Variants in IQCJ observed in about 807,000 individuals in gnomAD.
IQCJ encodes the protein IQ motif containing J.
IQCJ carries 9 observed loss-of-function variants against 11.0 expected under a neutral mutation model. The observed-to-expected ratio is 0.82, with a 90% CI of 0.49 to 1.43. The LOEUF is 1.43. Among genes scored for constraint, IQCJ ranks in the 40% most tolerant of loss-of-function variants. The pLI is 0.00. For missense variants in IQCJ, 146 were observed against 133.2 expected (o/e 1.10, Z -0.47); for synonymous variants, 55 against 51.3 (o/e 1.07, Z -0.31).
In IQCJ at chr3:159,104,926, T is replaced by C. The variant is rs539663155; in HGVS notation, c.9+35485T>C. The stretch of plus-strand genomic sequence containing the variant: ...TATAATGCTGTACTAGTCAATAAGC[T>C]CCCAAGTGCCTGGCTCATGTCTGCC... On this transcript the variant is annotated intron_variant, in intron 1 of 3. Transcript: ENST00000397832. 3.9e-5 allele frequency among the ~76,000 whole-genome samples: 6 copies of C among 152,348 alleles called. No homozygotes were observed. The South Asian group carries it at 1.2e-3, about 32-fold the overall frequency.
At chr3:159,241,836 A>G (rs1344952000) in intron 1 of IQCJ, among the ~76,000 whole-genome samples, 1 of 152,236 alleles carries the variant, frequency 6.6e-6, no homozygotes, top group Non-Finnish European at 1.5e-5. Context: ...GTGAGTGGAG[A>G]CAATCAAACA....
At chr3:159,234,424 T>C (rs1056981390) in intron 1 of IQCJ, among the ~76,000 whole-genome samples, 4 of 152,324 alleles carry the variant, frequency 2.6e-5, no homozygotes, top group African/African-American at 7.2e-5. Context: ...GAAGCAATCC[T>C]GTGGCTAGGG....
chr3:159,089,309 C>T (rs1717053064), intron 1 of IQCJ, among the ~76,000 whole-genome samples: 1 of 152,158 alleles, frequency 6.6e-6, no homozygotes. Flanking sequence ...TGATGGGCTT[C>T]CCTTTGAGGA....
At chr3:159,131,305 C>T (rs1046450536) in intron 1 of IQCJ, among the ~76,000 whole-genome samples, 3 of 151,974 alleles carry the variant, frequency 2.0e-5, no homozygotes, top group East Asian at 1.9e-4. Flanking sequence ...CACCACCCCC[C>T]GCCTCACCCC....
Position 159,262,552 on chromosome 3 carries a change from C to G in IQCJ, c.160C>G (p.Gln54Glu). Residue 54 changes from glutamine (Q) to glutamate (E), a missense_variant, in exon 4 of 4, where the codon CAG (glutamine) becomes GAG (glutamate). Physicochemically the swap from Gln to Glu is conservative, Grantham distance 29 (BLOSUM62 2). Transcript: ENST00000397832. ...QPLESKVKII[Q>E]RAWREYLQRQ... is the part of the protein sequence containing the mutation. ...TGTTTTGTTTTGTTTTTTCAGCATT[C>G]AGCGAGCATGGCGAGAGTACCTGCA... The G allele has an allele frequency of 6.2e-7, 1 of 1,612,676 alleles. No homozygotes were observed. Among genetic ancestry groups the G allele is most frequent in the Non-Finnish European group, 8.5e-7 (1 of 1,179,232 alleles).
Position 159,116,647 on chromosome 3 carries a change from TATATATATATATATATATATATAC to T in IQCJ, c.9+47208_9+47231del, listed in dbSNP as rs1243555703. On this transcript the variant is annotated intron_variant, in intron 1 of 3. Coordinates refer to ENST00000397832, the MANE Select transcript of IQCJ (RefSeq NM_001042706.3). ...ATATATATATATATATATATATATA[TATATATATATATATATATATATAC>T]ACCCTTCATCTAGATTTTCTCATCT... is the stretch of plus-strand genomic sequence containing the variant. Among the ~76,000 whole-genome samples the T allele has an allele frequency of 8.2e-3, 308 of 37,688 alleles. 7 individuals carry two copies. Among genetic ancestry groups the T allele is most frequent in the African/African-American group, 0.024 (212 of 8,716 alleles). 24.7% of individuals were successfully genotyped at this position (37,688 alleles called of 152,430 possible).
intron 1 of IQCJ, among the ~76,000 whole-genome samples, chr3:159,197,915 T>A (rs1724084115): frequency 6.6e-6 from 1 of 152,044 alleles, no homozygotes; most frequent in African/African-American, 2.4e-5. Context: ...AATCAAAAAT[T>A]TTTTTTTACT....
intron 3 of IQCJ, among the ~76,000 whole-genome samples, chr3:159,258,898 T>A (rs1220843699): frequency 6.6e-6 from 1 of 152,114 alleles, no homozygotes; most frequent in Non-Finnish European, 1.5e-5. Flanking sequence ...AGCCTCAGAC[T>A]TACTGCTCTT....
At chr3:159,207,483 G>A (rs1396594868) in intron 1 of IQCJ, among the ~76,000 whole-genome samples, 1 of 151,578 alleles carries the variant, frequency 6.6e-6, no homozygotes, top group Non-Finnish European at 1.5e-5. Flanking sequence ...AATGATCAAA[G>A]CAAAAAATAA....
chr3:159,149,170 G>A (rs541921119), intron 1 of IQCJ, among the ~76,000 whole-genome samples: 4 of 152,090 alleles, frequency 2.6e-5, no homozygotes, highest in South Asian at 2.1e-4. Flanking sequence ...CTTTTCTTCC[G>A]GTGCTCACAC....
rs115285796 is a variant in IQCJ, at chr3:159,215,527, C to A, written c.10-30316C>A. On this transcript the variant is annotated intron_variant, in intron 1 of 3. Transcript: ENST00000397832. ...TAAAAACCAACATACAATGAGAAAA[C>A]CAGCAAAGGCGTTACAACTGTTTCA... is the stretch of plus-strand genomic sequence containing the variant. Among the ~76,000 whole-genome samples the A allele has an allele frequency of 4.2e-3, 643 of 152,154 alleles. 3 individuals carry two copies. The highest frequency in any genetic ancestry group is 0.015 in the African/African-American group (612 of 41,508).
chr3:159,205,426 A>G (rs1448171359), intron 1 of IQCJ, among the ~76,000 whole-genome samples: 1 of 152,176 alleles, frequency 6.6e-6, no homozygotes, highest in East Asian at 1.9e-4. Context: ...CCAAGCCTCA[A>G]TGTTCAGAGT....
rs564678529 is a variant in IQCJ, at chr3:159,234,296, T to A, written c.10-11547T>A. Among the ~76,000 whole-genome samples, 11 of 152,330 alleles carry A rather than the reference T, an allele frequency of 7.2e-5. 1 individual carries two copies. Among genetic ancestry groups the A allele is most frequent in the African/African-American group, 2.6e-4 (11 of 41,578 alleles). On this transcript the variant is annotated intron_variant, in intron 1 of 3. Transcript: ENST00000397832. The stretch of plus-strand genomic sequence containing the variant: ...CTGGAGCCTAGTAAAATTCAATTAA[T>A]GTTAGTAGTAATAAAAATAGTTCAA...
intron 1 of IQCJ, among the ~76,000 whole-genome samples, chr3:159,080,923 C>T (rs1716263665): frequency 6.6e-6 from 1 of 152,086 alleles, no homozygotes; most frequent in South Asian, 2.1e-4. Flanking sequence ...CTCTTAAAAT[C>T]AGTATGTCAG....
At chr3:159,142,560 G>A (rs1316147895) in intron 1 of IQCJ, among the ~76,000 whole-genome samples, 1 of 152,012 alleles carries the variant, frequency 6.6e-6, no homozygotes, top group South Asian at 2.1e-4. Flanking sequence ...GGGATTACAG[G>A]CACCTGCCAC....
intron 1 of IQCJ, among the ~76,000 whole-genome samples, chr3:159,228,556 C>T (rs964525100): frequency 2.0e-5 from 3 of 152,016 alleles, no homozygotes; most frequent in East Asian, 3.9e-4. Flanking sequence ...TTTGGGAGGC[C>T]GAGGCGGGCG....
At chr3:159,116,616 A>G (rs7615802) in intron 1 of IQCJ, among the ~76,000 whole-genome samples, 1,811 of 8,898 alleles carry the variant, frequency 0.2, 73 homozygotes, top group African/African-American at 0.38. Context: ...GCTCATATGT[A>G]TATATATATA....
chr3:159,104,049 G>A (rs973235395), intron 1 of IQCJ, among the ~76,000 whole-genome samples: 1 of 152,196 alleles, frequency 6.6e-6, no homozygotes, highest in African/African-American at 2.4e-5. Context: ...GCTGGTTGAT[G>A]GGGAGTGGAT....
chr3:159,108,315 C>G (rs892006411), intron 1 of IQCJ, among the ~76,000 whole-genome samples: 8 of 151,944 alleles, frequency 5.3e-5, no homozygotes, highest in African/African-American at 9.7e-5. Context: ...GTTAATCATT[C>G]GTTCCTTATA....
Sources: gnomAD v4.1 joint callset for allele counts (sites outside exome capture counted in the v4.1 genomes callset) on GRCh38, gnomAD v4.1.1 for gene constraint, MANE v1.5 for transcripts, NCBI Gene and HGNC (gene_info 2026-07-23, HGNC 2026-07-21) for gene names.